Variants in ZNF730 observed in about 807,000 individuals in gnomAD.
ZNF730 encodes putative zinc finger protein 730.
In ZNF730, 12 loss-of-function variants were observed where a neutral mutation model predicts 12.6. The observed-to-expected ratio is 0.95, with a 90% CI of 0.61 to 1.54. The LOEUF is 1.54. Among genes scored for constraint, ZNF730 ranks in the 40% most tolerant of loss-of-function variants. The pLI is 0.00. For synonymous variants in ZNF730, 194 were observed against 195.8 expected, an observed-to-expected ratio of 0.99 and a Z score of 0.08; for missense variants, 643 against 583.5, an observed-to-expected ratio of 1.10 and a Z score of -1.05.
rs1971024346 is a variant in ZNF730, at chr19:23,146,901, T to TCAAA, written c.*345_*346insCAAA. 7.4e-6 allele frequency: 4 copies of TCAAA among 539,498 alleles called. No individual in the cohort carries two copies. The highest frequency in any genetic ancestry group is 1.3e-5 in the Non-Finnish European group (4 of 299,624). The allele number at this position is 539,498 out of a possible 1,614,324, so 33.4% of individuals were successfully genotyped here. A position where few individuals can be genotyped will look rare whatever the true frequency, so the allele number is the denominator to read the frequency against. On this transcript the variant is annotated 3_prime_UTR_variant, in exon 4 of 4. Coordinates refer to ENST00000597761, the MANE Select transcript of ZNF730 (RefSeq NM_001277403.2). ...AGAAACTCTACAAACCTGAAAGTTTTAACAGTGCTTTTGACAACACCTCAA... is the reference window on the plus strand; with the variant it reads ...AGAAACTCTACAAACCTGAAAGTTTTCAAAAACAGTGCTTTTGACAACACCTCAA...
At chr19:23,102,006 T>C (rs1005745790) in intron 1 of ZNF730, among the ~76,000 whole-genome samples, 10 of 152,236 alleles carry the variant, frequency 6.6e-5, no homozygotes, top group Non-Finnish European at 8.8e-5. Context: ...CTATTTTGCA[T>C]GTTAGGACAT....
intron 1 of ZNF730, among the ~76,000 whole-genome samples, chr19:23,106,918 A>G (rs1011991390): frequency 2.0e-5 from 3 of 152,182 alleles, no homozygotes; most frequent in African/African-American, 7.2e-5. Context: ...GTTTTTTCAT[A>G]AGCATATGAA....
chr19:23,117,282 C>G lies in ZNF730; in HGVS notation c.3+106C>G, dbSNP rs1970541832. ...GCCTCCCCGCAGTCAGCTTCACAAT[C>G]TGCGCCCAGAGTTCTTGCCCAGCTC... On this transcript the variant is annotated intron_variant, in intron 1 of 3. Coordinates refer to ENST00000597761, the MANE Select transcript of ZNF730 (RefSeq NM_001277403.2). 1.9e-6 allele frequency: 3 copies of G among 1,591,378 alleles called. No homozygotes were observed. The South Asian group carries it at 3.3e-5, about 18-fold the overall frequency.
intron 1 of ZNF730, chr19:23,095,449 A>C: frequency 2.5e-6 from 1 of 397,780 alleles, no homozygotes; most frequent in Non-Finnish European, 4.4e-6. Context: ...AGGTAATGCA[A>C]CTCTATTCTC....
upstream of ZNF730, among the ~76,000 whole-genome samples, chr19:23,116,489 C>T (rs1970525686): frequency 1.3e-5 from 2 of 151,292 alleles, no homozygotes; most frequent in Admixed American, 1.3e-4. Flanking sequence ...TCATTGCAAC[C>T]TCCACCTCCT....
chr19:23,129,200 A>C (rs1970711238), intron 1 of ZNF730, among the ~76,000 whole-genome samples: 1 of 152,156 alleles, frequency 6.6e-6, no homozygotes, highest in African/African-American at 2.4e-5. Context: ...CCCCACACAG[A>C]GTCCTTACTG....
Position 23,145,806 on chromosome 19 carries a change from A to C in ZNF730, c.762A>C (p.Lys254Asn). 6.3e-7 allele frequency: 1 copy of C among 1,592,126 alleles called. No homozygotes were observed. The highest frequency in any genetic ancestry group is 1.1e-5 in the South Asian group (1 of 88,598). The change falls in exon 4 of 4, where the codon AAA (lysine) becomes AAC (asparagine). Residue 254 changes from lysine (K) to asparagine (N), a missense_variant. Lys to Asn is a moderately conservative substitution (Grantham distance 94, BLOSUM62 0). Coordinates refer to ENST00000597761, the MANE Select transcript of ZNF730 (RefSeq NM_001277403.2). ...ATAAGAGAATTCATACTGGAGAAAA[A>C]CCCTACCAATGTGAGAAATGTGGCA... ...TTHKRIHTGE[K>N]PYQCEKCGKF... is the part of the protein sequence containing the mutation.
intron 1 of ZNF730, among the ~76,000 whole-genome samples, chr19:23,092,176 G>T: frequency 6.6e-6 from 1 of 152,118 alleles, no homozygotes; most frequent in South Asian, 2.1e-4. Flanking sequence ...ATATAAGAAG[G>T]GCCTTTTGCC....
At chr19:23,144,046 TTCTTA>T (rs1179215065) in intron 3 of ZNF730, 12 of 152,254 alleles carry the variant, frequency 7.9e-5, no homozygotes, top group East Asian at 5.8e-4. Flanking sequence ...AATATTTTTG[TTCTTA>T]TCTTCATTTC....
intron 1 of ZNF730, among the ~76,000 whole-genome samples, chr19:23,087,389 C>T (rs1403168308): frequency 6.6e-6 from 1 of 151,652 alleles, no homozygotes; most frequent in Non-Finnish European, 1.5e-5. Flanking sequence ...GCCTGGGAGA[C>T]AGAGCAAGAT....
intron 1 of ZNF730, chr19:23,126,877 C>A: frequency 5.6e-6 from 3 of 532,086 alleles, no homozygotes; most frequent in South Asian, 4.4e-5. Context: ...TACAGGAGAT[C>A]CTTAGCAGCT....
rs759272253 is a variant in ZNF730 at position 23,134,172 on chromosome 19, A to G, written c.96A>G (p.Val32=). 1 of 1,612,174 alleles carries G rather than the reference A, an allele frequency of 6.2e-7. No individual in the cohort carries two copies. The change falls in exon 2 of 4, where the codon GTA becomes GTG. Residue 32 remains valine (V), a synonymous_variant. Coordinates refer to ENST00000597761, the MANE Select transcript of ZNF730 (RefSeq NM_001277403.2). ...DTEQQNLYRN[V]MLDNYRNLVF... is the part of the protein sequence containing the mutation. ...AACAACAGAATTTATATAGAAATGT[A>G]ATGTTAGATAACTACAGAAACCTGG...
At chr19:23,124,931 C>T (rs1970643252) in intron 1 of ZNF730, among the ~76,000 whole-genome samples, 1 of 152,132 alleles carries the variant, frequency 6.6e-6, no homozygotes, top group Admixed American at 6.5e-5. Context: ...AATTGTAACT[C>T]CCACAGTTTC....
chr19:23,144,710 A>AAAAAAAAAAAC (rs1970978416), intron 3 of ZNF730, among the ~76,000 whole-genome samples: 1 of 151,236 alleles, frequency 6.6e-6, no homozygotes, highest in Non-Finnish European at 1.5e-5. Flanking sequence ...CAAAAAAAAA[A>AAAAAAAAAAAC]AAAAAATTAG....
At chr19:23,118,369 T>TTG (rs1053798195) in intron 1 of ZNF730, among the ~76,000 whole-genome samples, 4 of 150,982 alleles carry the variant, frequency 2.6e-5, no homozygotes, top group African/African-American at 7.4e-5. Flanking sequence ...GTTTTTTGTT[T>TTG]TTTTTTTTTG....
chr19:23,093,197 A>T (rs1467135073), intron 1 of ZNF730, among the ~76,000 whole-genome samples: 1 of 152,106 alleles, frequency 6.6e-6, no homozygotes, highest in African/African-American at 2.4e-5. Flanking sequence ...GCTGTTCTCG[A>T]ACTCCTGATC....
At chr19:23,104,206 G>T (rs1475419906) in intron 1 of ZNF730, among the ~76,000 whole-genome samples, 1 of 151,600 alleles carries the variant, frequency 6.6e-6, no homozygotes, top group East Asian at 1.9e-4. Flanking sequence ...GGAGGCTGAG[G>T]CAGGAGAATC....
intron 1 of ZNF730, among the ~76,000 whole-genome samples, chr19:23,121,366 T>G (rs538578066): frequency 6.6e-6 from 1 of 152,158 alleles, no homozygotes; most frequent in Non-Finnish European, 1.5e-5. Flanking sequence ...TATGACAGAG[T>G]CTTGCTCTGT....
At chr19:23,111,230 A>C (rs1187440744) in intron 1 of ZNF730, among the ~76,000 whole-genome samples, 2 of 152,226 alleles carry the variant, frequency 1.3e-5, no homozygotes. Flanking sequence ...CCAATAAGAC[A>C]ATCAAAACTT....
Sources: allele counts gnomAD v4.1 joint callset (sites outside exome capture counted in the v4.1 genomes callset), GRCh38; gene constraint gnomAD v4.1.1; transcripts MANE v1.5; gene names NCBI Gene and HGNC (gene_info 2026-07-23, HGNC 2026-07-21).